The following SLC26A4 variants were observed in gnomAD, a reference collection of about 807,000 sequenced individuals.
SLC26A4 encodes the protein pendrin.
Under a neutral mutation model 90.4 loss-of-function variants are expected in SLC26A4, and 93 were observed. The observed-to-expected ratio is 1.03, with a 90% CI of 0.87 to 1.22. The LOEUF is 1.22. SLC26A4 is among the 50% of genes most tolerant of loss of function. The pLI is 0.00. For synonymous variants in SLC26A4, 393 were observed against 354.6 expected, an observed-to-expected ratio of 1.11 and a Z score of -1.22; for missense variants, 1,127 against 946.2, an observed-to-expected ratio of 1.19 and a Z score of -2.51.
chr7:107,715,296 A>C (rs1377310512), intron 20 of SLC26A4, 127 bp from the exon 21 acceptor site: 5 of 810,110 alleles, frequency 6.2e-6, no homozygotes, highest in African/African-American at 1.7e-5. Flanking sequence ...TTCTATTGTG[A>C]TGATATACAC....
At chr7:107,690,284 G>A (rs1293874881) in intron 10 of SLC26A4, 47 bp downstream of exon 10, 3 of 1,142,838 alleles carry the variant, frequency 2.6e-6, no homozygotes, top group African/African-American at 3.0e-5. Flanking sequence ...ACAAGTCGAG[G>A]AATGGCAACA....
At position 107,690,833 on chromosome 7, in the gene SLC26A4, G is replaced by A. The variant is rs200193338; in HGVS notation, c.1263+596G>A. 1.2e-4 allele frequency among the ~76,000 whole-genome samples: 18 copies of A among 152,008 alleles called. 1 individual carries two copies. In the East Asian group the frequency reaches 2.3e-3, roughly 20 times the overall value. ...GGTTTGCAGTTGTTGCCTTTACAAGGTGGCCAAAAAGCCAGCATCCTAGTT... is the reference window on the plus strand; with the variant it reads ...GGTTTGCAGTTGTTGCCTTTACAAGATGGCCAAAAAGCCAGCATCCTAGTT... On this transcript the variant is annotated intron_variant, in intron 10 of 20. Transcript: ENST00000644269.
At chr7:107,702,329 T>C (rs1390081803) in intron 17 of SLC26A4, among the ~76,000 whole-genome samples, 1 of 152,186 alleles carries the variant, frequency 6.6e-6, no homozygotes, top group Non-Finnish European at 1.5e-5. Flanking sequence ...ATGGAGGTAA[T>C]GATGGTATCT....
chr7:107,683,600 A>G (rs1791316424), intron 8 of SLC26A4, 63 bp downstream of exon 8: 1 of 1,300,186 alleles, frequency 7.7e-7, no homozygotes, highest in Non-Finnish European at 1.1e-6. Context: ...TTTTTATTTA[A>G]ATAAAACCTT....
intron 18 of SLC26A4, among the ~76,000 whole-genome samples, chr7:107,707,549 T>C (rs1301298490): frequency 6.6e-6 from 1 of 152,200 alleles, no homozygotes; most frequent in Non-Finnish European, 1.5e-5. Flanking sequence ...CTGATGTGAG[T>C]TACCCAATTG....
chr7:107,688,482 A>G (rs912797256), intron 8 of SLC26A4, among the ~76,000 whole-genome samples: 2 of 152,188 alleles, frequency 1.3e-5, no homozygotes, highest in African/African-American at 4.8e-5. Context: ...TGGACCCCAC[A>G]ATCACTGAGA....
chr7:107,683,751 T>C (rs1373220848), intron 8 of SLC26A4, among the ~76,000 whole-genome samples: 1 of 152,170 alleles, frequency 6.6e-6, no homozygotes, highest in Non-Finnish European at 1.5e-5. Flanking sequence ...TATGCTCTTT[T>C]TTCTTCATTT....
chr7:107,689,827 G>A (rs1791518014), intron 9 of SLC26A4, among the ~76,000 whole-genome samples: 1 of 152,178 alleles, frequency 6.6e-6, no homozygotes, highest in African/African-American at 2.4e-5. Flanking sequence ...CACTTTATGT[G>A]AGAGCTGCAG....
chr7:107,662,990 T>A (rs1030944032), intron 2 of SLC26A4, among the ~76,000 whole-genome samples: 12 of 152,308 alleles, frequency 7.9e-5, no homozygotes, highest in Admixed American at 7.8e-4. Context: ...AGACTCCACA[T>A]CCATCAGTCT....
At chr7:107,663,169 C>A in intron 2 of SLC26A4, 127 bp from the exon 3 acceptor site, 1 of 1,105,862 alleles carries the variant, frequency 9.0e-7, no homozygotes, top group Non-Finnish European at 1.4e-6. Flanking sequence ...TATTATTTTC[C>A]AGGAAATACT....
Position 107,663,420 on chromosome 7 carries a change from G to T in SLC26A4, c.289G>T (p.Val97Leu), listed in dbSNP as rs200139879. 1.5e-5 allele frequency: 24 copies of T among 1,614,106 alleles called. No homozygotes were observed. In the Admixed American group the frequency reaches 4.0e-4, roughly 27 times the overall value. Reference protein sequence around the residue: ...DVISGVSTGLVATLQGMAYAL... With the variant: ...DVISGVSTGLLATLQGMAYAL... The stretch of plus-strand genomic sequence containing the variant: ...CATTTCGGGAGTTAGTACTGGGCTA[G>T]TGGCCACGCTGCAAGGTAAGATGTT... Residue 97 changes from valine to leucine, a missense_variant, in exon 3 of 21, where the codon GTG becomes TTG. Val to Leu is a conservative substitution (Grantham distance 32). Transcript: ENST00000644269.
At position 107,694,567 on chromosome 7, in the gene SLC26A4, T is replaced by C. The variant is rs937786345; in HGVS notation, c.1342-54T>C. ...TAAATAACAGGAGATTTAACAATCA[T>C]CACATGGAAAACCATTCCCTGAATA... On this transcript the variant is annotated intron_variant, in intron 11 of 20. Coordinates refer to ENST00000644269, the MANE Select transcript of SLC26A4 (RefSeq NM_000441.2). 4.5e-6 allele frequency: 7 copies of C among 1,538,466 alleles called. No individual in the cohort carries two copies. In the African/African-American group the frequency reaches 5.5e-5, roughly 12 times the overall value.
intron 18 of SLC26A4, among the ~76,000 whole-genome samples, chr7:107,706,897 C>A (rs1045440459): frequency 2.6e-5 from 4 of 152,114 alleles, no homozygotes; most frequent in Admixed American, 2.0e-4. Context: ...AGGCTGGGTG[C>A]GGTGGCTCAC....
intron 8 of SLC26A4, among the ~76,000 whole-genome samples, chr7:107,688,110 C>T (rs150222023): frequency 1.1e-4 from 17 of 152,276 alleles, no homozygotes; most frequent in African/African-American, 3.6e-4. Context: ...AATCACTTCA[C>T]GTTTCCAGGT....
At chr7:107,707,003 A>G (rs1364932128) in intron 18 of SLC26A4, among the ~76,000 whole-genome samples, 1 of 152,156 alleles carries the variant, frequency 6.6e-6, no homozygotes, top group African/African-American at 2.4e-5. Flanking sequence ...CGCCGTTACT[A>G]CAAAAAATAC....
intron 13 of SLC26A4, among the ~76,000 whole-genome samples, chr7:107,697,136 C>T (rs1054973021): frequency 2.0e-5 from 3 of 152,308 alleles, no homozygotes; most frequent in Admixed American, 2.0e-4. Flanking sequence ...CTCAGAAACG[C>T]TCCTTAGAAG....
At chr7:107,704,810 T>G (rs1030811936) in intron 18 of SLC26A4, among the ~76,000 whole-genome samples, 1 of 152,222 alleles carries the variant, frequency 6.6e-6, no homozygotes, top group Non-Finnish European at 1.5e-5. Context: ...CTGTCCTGTT[T>G]TAGGAAATTT....
At chr7:107,668,637 G>A (rs141345837) in intron 3 of SLC26A4, among the ~76,000 whole-genome samples, 1 of 152,148 alleles carries the variant, frequency 6.6e-6, no homozygotes, top group Non-Finnish European at 1.5e-5. Flanking sequence ...GCAAAAGATC[G>A]ATGCAACCCT....
intron 14 of SLC26A4, among the ~76,000 whole-genome samples, chr7:107,698,473 C>A (rs369866949): frequency 6.6e-6 from 1 of 152,044 alleles, no homozygotes; most frequent in Non-Finnish European, 1.5e-5. Context: ...GGTGCCACCA[C>A]GCCTGGCTAA....
Sources: gnomAD v4.1 joint callset for allele counts (sites outside exome capture counted in the v4.1 genomes callset) on GRCh38, gnomAD v4.1.1 for gene constraint, MANE v1.5 for transcripts, NCBI Gene and HGNC (gene_info 2026-07-23, HGNC 2026-07-21) for gene names.